Variants in FARS2 observed in about 807,000 individuals in gnomAD.
The protein encoded by FARS2 is phenylalanyl-tRNA synthetase 2, mitochondrial, also known as phenylalanine--tRNA ligase, mitochondrial.
FARS2 carries 40 observed loss-of-function variants against 46.4 expected under a neutral mutation model. That is an observed-to-expected ratio of 0.86 (90% CI 0.67 to 1.12). The LOEUF is 1.12. Ranked by LOEUF, FARS2 falls within the 50% of genes most tolerant of loss-of-function variation. The pLI, the probability that FARS2 is intolerant of heterozygous loss-of-function variation, is 0.00. For missense variants in FARS2, 513 were observed against 567.9 expected, an observed-to-expected ratio of 0.90 and a Z score of 0.98; for synonymous variants, 234 against 214.9, an observed-to-expected ratio of 1.09 and a Z score of -0.78.
chr6:5,675,182 C>A (rs958818835), intron 6 of FARS2, among the ~76,000 whole-genome samples: 1 of 147,946 alleles, frequency 6.8e-6, no homozygotes. Context: ...AATAAAAATG[C>A]GTTATATTTG....
At chr6:5,447,903 C>T (rs1180635957) in intron 4 of FARS2, among the ~76,000 whole-genome samples, 1 of 152,186 alleles carries the variant, frequency 6.6e-6, no homozygotes, top group South Asian at 2.1e-4. Context: ...AGGCAAGTGG[C>T]CTGCAGAATC....
intron 5 of FARS2, among the ~76,000 whole-genome samples, chr6:5,579,964 C>A (rs1292462292): frequency 6.6e-6 from 1 of 151,804 alleles, no homozygotes; most frequent in Non-Finnish European, 1.5e-5. Context: ...TTAGTTTTGT[C>A]TGCTTTTGCT....
chr6:5,439,335 A>G (rs567670612), intron 4 of FARS2, among the ~76,000 whole-genome samples: 2 of 152,164 alleles, frequency 1.3e-5, no homozygotes, highest in South Asian at 4.2e-4. Flanking sequence ...AGACTCCTCA[A>G]CTCGCAGAAT....
Position 5,664,202 on chromosome 6 carries a change from C to G in FARS2, c.1217+50882C>G, listed in dbSNP as rs187151929. 1.1e-3 allele frequency among the ~76,000 whole-genome samples: 173 copies of G among 152,358 alleles called. 1 individual carries two copies. The highest frequency in any genetic ancestry group is 3.9e-3 in the African/African-American group (162 of 41,588). On this transcript the variant is annotated intron_variant, in intron 6 of 6. Transcript: ENST00000274680. ...TATGCTCCCTGAAATGGTTTCATCT[C>G]TATGCTAATTTTATGCTGAAAATAG...
chr6:5,599,460 G>GA (rs1469821434), intron 5 of FARS2, among the ~76,000 whole-genome samples: 4 of 152,048 alleles, frequency 2.6e-5, no homozygotes, highest in Admixed American at 2.0e-4. Context: ...TTATTTAACC[G>GA]AAAAAAATGA....
chr6:5,365,577 C>A (rs937894453), intron 1 of FARS2, among the ~76,000 whole-genome samples: 51 of 144,724 alleles, frequency 3.5e-4, no homozygotes, highest in African/African-American at 1.3e-3. Context: ...CTCTCAAACT[C>A]CTGGGCCCAA....
At chr6:5,482,680 G>A (rs923993807) in intron 4 of FARS2, among the ~76,000 whole-genome samples, 1 of 152,176 alleles carries the variant, frequency 6.6e-6, no homozygotes, top group African/African-American at 2.4e-5. Flanking sequence ...ACTGTGATGA[G>A]CACTGCAAGG....
At chr6:5,340,808 G>A (rs1459109889) in intron 1 of FARS2, among the ~76,000 whole-genome samples, 1 of 151,956 alleles carries the variant, frequency 6.6e-6, no homozygotes, top group African/African-American at 2.4e-5. Flanking sequence ...GTTGCGGGGA[G>A]GAGGAACCAT....
intron 6 of FARS2, chr6:5,664,931 C>G (rs1328360280): frequency 6.6e-6 from 1 of 152,098 alleles, no homozygotes; most frequent in Non-Finnish European, 1.5e-5. Flanking sequence ...TTCCTGTATC[C>G]TTTCATATAC....
intron 1 of FARS2, among the ~76,000 whole-genome samples, chr6:5,313,601 A>G (rs1021856060): frequency 1.3e-5 from 2 of 152,124 alleles, no homozygotes; most frequent in African/African-American, 2.4e-5. Flanking sequence ...GAGTTGAGCT[A>G]TTTTGGGAAG....
At chr6:5,610,741 G>A (rs1173798111) in intron 5 of FARS2, among the ~76,000 whole-genome samples, 1 of 152,150 alleles carries the variant, frequency 6.6e-6, no homozygotes, top group Non-Finnish European at 1.5e-5. Context: ...GTACGTAATC[G>A]AAGGTCCCTT....
chr6:5,429,239 T>G (rs1051707308), intron 3 of FARS2, among the ~76,000 whole-genome samples: 5 of 152,174 alleles, frequency 3.3e-5, no homozygotes, highest in African/African-American at 4.8e-5. Flanking sequence ...ATCTGTGCAC[T>G]TTAATGTTTG....
At chr6:5,459,466 C>G (rs981361697) in intron 4 of FARS2, among the ~76,000 whole-genome samples, 3 of 151,596 alleles carry the variant, frequency 2.0e-5, no homozygotes, top group Admixed American at 6.6e-5. Context: ...GAACTTCTTT[C>G]CTTTCCTCTT....
At chr6:5,684,143 G>A (rs1289306707) in intron 6 of FARS2, among the ~76,000 whole-genome samples, 3 of 152,110 alleles carry the variant, frequency 2.0e-5, no homozygotes, top group Non-Finnish European at 4.4e-5. Context: ...TCAGAGCTTT[G>A]TCAACCGCTT....
chr6:5,449,352 C>CAAAAAAAAAAAAA (rs5873985), intron 4 of FARS2, among the ~76,000 whole-genome samples: 1 of 120,868 alleles, frequency 8.3e-6, no homozygotes, highest in African/African-American at 3.2e-5. Flanking sequence ...GACTCCATCT[C>CAAAAAAAAAAAAA]AAAAAAAAAA....
chr6:5,470,646 G>A (rs1765759304), intron 4 of FARS2, among the ~76,000 whole-genome samples: 1 of 152,190 alleles, frequency 6.6e-6, no homozygotes, highest in South Asian at 2.1e-4. Context: ...TATAGTTTGT[G>A]TAGTTCTGTA....
At chr6:5,652,552 C>T (rs572084998) in intron 6 of FARS2, among the ~76,000 whole-genome samples, 14 of 152,262 alleles carry the variant, frequency 9.2e-5, no homozygotes, top group Non-Finnish European at 1.5e-5. Flanking sequence ...CCCAGTGCGG[C>T]GCAGCCGCTG....
rs200857480 is a variant in FARS2 at position 5,346,909 on chromosome 6, AG to A, written c.-21-21639del. Among the ~76,000 whole-genome samples the A allele has an allele frequency of 1.2e-3, 170 of 143,504 alleles. 1 individual carries two copies. In the South Asian group the frequency reaches 0.019, roughly 16 times the overall value. The allele number at this position is 143,504 out of a possible 152,430, so 94.1% of individuals were successfully genotyped here. On this transcript the variant is annotated intron_variant, in intron 1 of 6. Coordinates refer to ENST00000274680, the MANE Select transcript of FARS2 (RefSeq NM_006567.5). ...ACGGACCTTAGTTATACCATTCATT[AG>A]GTTTTTTTTTTTTTTTTAATTGAGA...
At chr6:5,573,917 T>A (rs1370897513) in intron 5 of FARS2, among the ~76,000 whole-genome samples, 1 of 152,192 alleles carries the variant, frequency 6.6e-6, no homozygotes, top group East Asian at 1.9e-4. Context: ...TAGAACATTT[T>A]CAGTTAAAGT....
Sources: gnomAD v4.1 joint callset for allele counts (sites outside exome capture counted in the v4.1 genomes callset) on GRCh38, gnomAD v4.1.1 for gene constraint, MANE v1.5 for transcripts, NCBI Gene and HGNC (gene_info 2026-07-23, HGNC 2026-07-21) for gene names.